Variants in ERP44 observed in about 807,000 individuals in gnomAD.
The protein encoded by ERP44 is endoplasmic reticulum resident protein 44.
In ERP44, 25 loss-of-function variants were observed where a neutral mutation model predicts 53.4. The ratio of observed to expected loss-of-function variants is 0.47; its 90% confidence interval spans 0.34 to 0.65. The LOEUF (loss-of-function observed/expected upper bound fraction) is 0.65. Ranked by LOEUF, ERP44 falls within the 30% of genes least tolerant of loss-of-function variation. The pLI is 0.01. For missense variants in ERP44, 338 were observed against 493.2 expected, an observed-to-expected ratio of 0.69 and a Z score of 2.98; for synonymous variants, 145 against 161.2, an observed-to-expected ratio of 0.90 and a Z score of 0.76.
At chr9:100,030,414 G>A (rs1825768424) in intron 4 of ERP44, among the ~76,000 whole-genome samples, 1 of 152,148 alleles carries the variant, frequency 6.6e-6, no homozygotes, top group Non-Finnish European at 1.5e-5. Context: ...GGATGGGATT[G>A]GGTTAGAGGC....
chr9:100,046,013 T>C (rs1262369485), intron 4 of ERP44, among the ~76,000 whole-genome samples: 1 of 152,134 alleles, frequency 6.6e-6, no homozygotes, highest in Non-Finnish European at 1.5e-5. Context: ...AGTTTTAGTA[T>C]ATAGGGTCAA....
At chr9:100,045,907 G>C (rs1197927357) in intron 4 of ERP44, among the ~76,000 whole-genome samples, 1 of 152,054 alleles carries the variant, frequency 6.6e-6, no homozygotes, top group African/African-American at 2.4e-5. Flanking sequence ...AGGAAATACA[G>C]ACCACAAGAA....
chr9:100,092,939 A>G (rs1049427755), intron 1 of ERP44, among the ~76,000 whole-genome samples: 9 of 152,232 alleles, frequency 5.9e-5, no homozygotes, highest in Non-Finnish European at 1.3e-4. Flanking sequence ...TTAGTACAAC[A>G]TATCAGAAAT....
At chr9:100,097,280 G>A (rs1250606003) in intron 1 of ERP44, among the ~76,000 whole-genome samples, 1 of 152,064 alleles carries the variant, frequency 6.6e-6, no homozygotes, top group Non-Finnish European at 1.5e-5. Context: ...CATACCATTT[G>A]AGGAAAGTGC....
intron 4 of ERP44, among the ~76,000 whole-genome samples, chr9:100,023,886 G>T (rs1485303380): frequency 1.3e-5 from 2 of 152,170 alleles, no homozygotes; most frequent in Non-Finnish European, 2.9e-5. Context: ...CAGGCCCAGG[G>T]GCTCATGCCT....
At chr9:100,097,047 T>A (rs1044680951) in intron 1 of ERP44, among the ~76,000 whole-genome samples, 8 of 152,216 alleles carry the variant, frequency 5.3e-5, no homozygotes, top group African/African-American at 1.7e-4. Flanking sequence ...TGGGGCTTTT[T>A]CAGCCTTTTC....
chr9:100,057,146 T>C lies in ERP44; in HGVS notation c.170+674A>G, dbSNP rs1826094922. Among the ~76,000 whole-genome samples, 2 of 152,188 alleles carry C rather than the reference T, an allele frequency of 1.3e-5. 1 individual carries two copies. Among genetic ancestry groups the C allele is most frequent in the South Asian group, 4.1e-4 (2 of 4,834 alleles). On this transcript the variant is annotated intron_variant, in intron 3 of 11. Coordinates refer to ENST00000262455, the MANE Select transcript of ERP44 (RefSeq NM_015051.3). ...GTAAGCCTTAAAGGGTCAGATAAGA[T>C]ACAGAGTGTCTAGGGATAAAGACTA...
chr9:100,072,986 T>C (rs971170306), intron 1 of ERP44, among the ~76,000 whole-genome samples: 14 of 152,320 alleles, frequency 9.2e-5, no homozygotes, highest in African/African-American at 2.9e-4. Context: ...TTTCCTAATG[T>C]TTGAACTTCA....
At chr9:100,052,584 T>C (rs1826050194) in intron 3 of ERP44, 52 bp from the exon 4 acceptor site, 2 of 1,063,216 alleles carry the variant, frequency 1.9e-6, no homozygotes, top group Non-Finnish European at 2.8e-6. Context: ...AGTAATAAAA[T>C]CTTATTTCCG....
intron 10 of ERP44, among the ~76,000 whole-genome samples, chr9:99,999,307 G>GT (rs1288568494): frequency 1.3e-4 from 20 of 151,862 alleles, no homozygotes; most frequent in Non-Finnish European, 2.2e-4. Context: ...GAGATTATTT[G>GT]TTTTTTTCTT....
At chr9:100,075,895 G>A (rs533247826) in intron 1 of ERP44, among the ~76,000 whole-genome samples, 1 of 152,296 alleles carries the variant, frequency 6.6e-6, no homozygotes, top group East Asian at 1.9e-4. Flanking sequence ...ACAGGTCCAG[G>A]CTGCTGTGCA....
At chr9:100,071,566 C>T (rs922258644) in intron 1 of ERP44, among the ~76,000 whole-genome samples, 1 of 152,088 alleles carries the variant, frequency 6.6e-6, no homozygotes, top group African/African-American at 2.4e-5. Context: ...ATTACCAAAT[C>T]CCCTAATGAT....
intron 10 of ERP44, among the ~76,000 whole-genome samples, chr9:99,996,366 C>T (rs1365428063): frequency 6.6e-6 from 1 of 152,188 alleles, no homozygotes; most frequent in Non-Finnish European, 1.5e-5. Flanking sequence ...ACTTTCTCTG[C>T]CACGTTTTAA....
intron 1 of ERP44, among the ~76,000 whole-genome samples, chr9:100,063,098 G>C (rs1230757091): frequency 1.8e-5 from 1 of 55,076 alleles, no homozygotes; most frequent in Non-Finnish European, 3.3e-5. Context: ...AAAAAAGAGA[G>C]AGAGAGAGGG....
At position 100,072,621 on chromosome 9, in the gene ERP44, C is replaced by T. The variant is rs12350161; in HGVS notation, c.58-12449G>A. ...CACTGCAACCTTCGCCTCCCTGGTT[C>T]AAGCGATTCTCCTGCCTCAGCCTCC... On this transcript the variant is annotated intron_variant, in intron 1 of 11. Coordinates refer to ENST00000262455, the MANE Select transcript of ERP44 (RefSeq NM_015051.3). 3.5e-3 allele frequency among the ~76,000 whole-genome samples: 532 copies of T among 152,274 alleles called. 2 individuals carry two copies. Among genetic ancestry groups the T allele is most frequent in the Non-Finnish European group, 5.6e-3 (382 of 68,026 alleles).
intron 1 of ERP44, among the ~76,000 whole-genome samples, chr9:100,082,543 A>G (rs1826438227): frequency 6.6e-6 from 1 of 152,080 alleles, no homozygotes; most frequent in Admixed American, 6.5e-5. Context: ...AAAAACATAT[A>G]CAGTCGTCCA....
At chr9:100,031,295 G>A (rs1210465167) in intron 4 of ERP44, among the ~76,000 whole-genome samples, 1 of 152,162 alleles carries the variant, frequency 6.6e-6, no homozygotes, top group Non-Finnish European at 1.5e-5. Context: ...GCCATCCAGG[G>A]AACAGGAGTT....
chr9:100,046,953 T>C (rs916332072), intron 4 of ERP44, among the ~76,000 whole-genome samples: 9 of 152,060 alleles, frequency 5.9e-5, no homozygotes, highest in African/African-American at 9.7e-5. Flanking sequence ...AGAACAAAAA[T>C]AGACCCACAC....
At chr9:100,046,363 C>T (rs1443005715) in intron 4 of ERP44, among the ~76,000 whole-genome samples, 5 of 151,898 alleles carry the variant, frequency 3.3e-5, no homozygotes, top group Non-Finnish European at 5.9e-5. Context: ...GGATAAAATC[C>T]AAATAAAATC....
Sources: allele counts gnomAD v4.1 joint callset (sites outside exome capture counted in the v4.1 genomes callset), GRCh38; gene constraint gnomAD v4.1.1; transcripts MANE v1.5; gene names NCBI Gene and HGNC (gene_info 2026-07-23, HGNC 2026-07-21).